MRO: variants seen among roughly 807,000 people sequenced by gnomAD.
MRO encodes protein maestro.
Under a neutral mutation model 31.0 loss-of-function variants are expected in MRO, and 28 were observed. The ratio of observed to expected loss-of-function variants is 0.90; its 90% confidence interval spans 0.67 to 1.24. The LOEUF (loss-of-function observed/expected upper bound fraction) is 1.24, where lower values mean the gene tolerates loss of function less well. Among genes scored for constraint, MRO ranks in the 50% most tolerant of loss-of-function variants. MRO has a pLI of 0.00. For missense variants in MRO, 332 were observed against 289.2 expected (o/e 1.15, Z -1.07); for synonymous variants, 108 against 108.4 (o/e 1.00, Z 0.02).
chr18:50,800,038 G>T lies in MRO; in HGVS notation c.691C>A (p.Leu231Met). 1 of 1,610,214 alleles carries T rather than the reference G, an allele frequency of 6.2e-7. No homozygotes were observed. Among genetic ancestry groups the T allele is most frequent in the Non-Finnish European group, 8.5e-7 (1 of 1,176,760 alleles). The part of the protein sequence containing the change: ...DQRNTKLYQQ[L>M]SHYHPEILQF... ...CTCTCCTACCCTGGCTCACTCACCA[G>T]CTGCTGGTAGAGCTTAGTGTTCCTT... is the stretch of plus-strand genomic sequence containing the variant. The change falls in exon 7 of 8, where the codon CTG (leucine) becomes ATG (methionine). Residue 231 changes from leucine to methionine, a missense_variant and splice_region_variant. Transcript: ENST00000398439.
chr18:50,804,885 A>G, intron 5 of MRO, among the ~76,000 whole-genome samples: 1 of 151,780 alleles, frequency 6.6e-6, no homozygotes, highest in East Asian at 1.9e-4. Flanking sequence ...TCCACCTCCC[A>G]AGTTCAAGCG....
intron 5 of MRO, among the ~76,000 whole-genome samples, chr18:50,802,679 T>G (rs187165822): frequency 6.6e-6 from 1 of 152,102 alleles, no homozygotes; most frequent in Non-Finnish European, 1.5e-5. Context: ...ATTTAGCACA[T>G]GATGCATACA....
intron 5 of MRO, among the ~76,000 whole-genome samples, chr18:50,803,222 G>A (rs1913571204): frequency 6.6e-6 from 1 of 152,118 alleles, no homozygotes; most frequent in African/African-American, 2.4e-5. Flanking sequence ...TTAAAAAAAT[G>A]GTTGAAGGCC....
At chr18:50,806,555 G>T in intron 4 of MRO, 149 bp downstream of exon 4, 1 of 939,404 alleles carries the variant, frequency 1.1e-6, no homozygotes, top group Non-Finnish European at 1.6e-6. Flanking sequence ...ATCAACACGT[G>T]TTGCTGTAAG....
chr18:50,803,712 A>C (rs1338427931), intron 5 of MRO, among the ~76,000 whole-genome samples: 2 of 152,212 alleles, frequency 1.3e-5, no homozygotes, highest in Non-Finnish European at 2.9e-5. Flanking sequence ...GGTGAGACAC[A>C]TGTGCCCAGC....
Position 50,801,331 on chromosome 18 carries a change from G to C in MRO, c.585+18C>G, listed in dbSNP as rs765839366. The C allele has an allele frequency of 5.8e-6, 9 of 1,542,090 alleles. No homozygotes were observed. In the South Asian group the frequency reaches 9.9e-5, roughly 17 times the overall value. On this transcript the variant is annotated intron_variant, in intron 6 of 7. Coordinates refer to ENST00000398439, the MANE Select transcript of MRO (RefSeq NM_031939.6). The stretch of plus-strand genomic sequence containing the variant: ...GCATGGAGATGTCACTCTGTTGGTT[G>C]CAGAGTCAAGGTCTTACCTTGGCAA...
rs778513332 is a variant in MRO, at chr18:50,805,271, C to T, written c.312G>A (p.Leu104=). ...LVYGLYDPVN[L]EVIHESMKTL... ...TCTTCATACTCTCATGGATGACTTC[C>T]AAATTCACAGGGTCATACAGTCCAT... Residue 104 remains leucine (L), a synonymous_variant, in exon 5 of 8, where the codon TTG becomes TTA. Coordinates refer to ENST00000398439, the MANE Select transcript of MRO (RefSeq NM_031939.6). 5 of 1,613,976 alleles carry T rather than the reference C, an allele frequency of 3.1e-6. No homozygotes were observed. Among genetic ancestry groups the T allele is most frequent in the Middle Eastern group, 3.3e-4 (2 of 6,084 alleles).
At chr18:50,816,360 C>T (rs568045949) in intron 2 of MRO, among the ~76,000 whole-genome samples, 108 of 152,286 alleles carry the variant, frequency 7.1e-4, no homozygotes, top group African/African-American at 2.4e-3. Flanking sequence ...CTTTTCATTA[C>T]ATCAGGTATA....
chr18:50,818,882 G>A (rs909808791), intron 2 of MRO, among the ~76,000 whole-genome samples: 3 of 151,862 alleles, frequency 2.0e-5, no homozygotes, highest in South Asian at 4.2e-4. Context: ...GTGAAACCCC[G>A]CCTCTACTAA....
At chr18:50,816,994 C>A (rs1051743025) in intron 2 of MRO, among the ~76,000 whole-genome samples, 1 of 152,190 alleles carries the variant, frequency 6.6e-6, no homozygotes, top group African/African-American at 2.4e-5. Context: ...AGGGCTTTAG[C>A]CAGCCAAGGC....
At position 50,806,552 on chromosome 18, in the gene MRO, C is replaced by T. The variant is rs542527015; in HGVS notation, c.246+152G>A. The T allele has an allele frequency of 1.1e-4, 104 of 910,326 alleles. No individual in the cohort carries two copies. The East Asian group carries it at 1.9e-3, about 16-fold the overall frequency. The allele number at this position is 910,326 out of a possible 1,614,324, so 56.4% of individuals were successfully genotyped here. On this transcript the variant is annotated intron_variant, in intron 4 of 7. Transcript: ENST00000398439. ...CCGCGAAAACCCGAGATAATCAACA[C>T]GTGTTGCTGTAAGCTGCTAAGTGTG...
At position 50,809,144 on chromosome 18, in the gene MRO, CAAAAAAAAAAAAA is replaced by C. The variant is rs61728184; in HGVS notation, c.99+145_99+157del. The stretch of plus-strand genomic sequence containing the variant: ...TGGGCGACAGAGCGAGACTCCGTCT[CAAAAAAAAAAAAA>C]AAAAAAAAAAAAAAAACTGTCATCA... On this transcript the variant is annotated intron_variant, in intron 3 of 7. Transcript: ENST00000398439. 2.9e-3 allele frequency among the ~76,000 whole-genome samples: 288 copies of C among 99,086 alleles called. 8 individuals carry two copies. In the South Asian group the frequency reaches 0.049, roughly 17 times the overall value. 65.0% of individuals were successfully genotyped at this position (99,086 alleles called of 152,430 possible).
At chr18:50,805,932 G>A (rs1348156581) in intron 4 of MRO, among the ~76,000 whole-genome samples, 3 of 151,802 alleles carry the variant, frequency 2.0e-5, no homozygotes, top group East Asian at 1.9e-4. Context: ...TCCAGCCTAC[G>A]GACATGACTT....
chr18:50,813,556 A>G (rs1254604896), intron 2 of MRO, among the ~76,000 whole-genome samples: 2 of 152,224 alleles, frequency 1.3e-5, no homozygotes, highest in Non-Finnish European at 2.9e-5. Context: ...ATTTCTAACA[A>G]GCTCCCAGGG....
In MRO at chr18:50,819,856, C is replaced by T. The variant is rs146595650; in HGVS notation, c.-127+41G>A. ...GGAGGGAATTGTTCTGGAATGAAAC[C>T]GACAAGAATATTGTAGGGTGGCACA... On this transcript the variant is annotated intron_variant, in intron 1 of 7. Coordinates refer to ENST00000398439, the MANE Select transcript of MRO (RefSeq NM_031939.6). 7.9e-3 allele frequency: 12,168 copies of T among 1,545,550 alleles called. 58 individuals carry two copies. Among genetic ancestry groups the T allele is most frequent in the Non-Finnish European group, 9.4e-3 (10,731 of 1,141,454 alleles).
intron 2 of MRO, among the ~76,000 whole-genome samples, chr18:50,817,992 C>CCA: frequency 1.6e-5 from 2 of 121,342 alleles, no homozygotes; most frequent in Non-Finnish European, 3.4e-5. Context: ...TAAAGAACTC[C>CCA]CACCCCCCGC....
intron 2 of MRO, among the ~76,000 whole-genome samples, chr18:50,809,617 G>A (rs1236078729): frequency 2.0e-5 from 3 of 152,072 alleles, no homozygotes; most frequent in Admixed American, 1.3e-4. Context: ...GGGGGTCAAG[G>A]GGGATCTGCC....
At chr18:50,801,623 C>T in intron 5 of MRO, 119 bp from the exon 6 acceptor site, 2 of 972,652 alleles carry the variant, frequency 2.1e-6, no homozygotes, top group Non-Finnish European at 3.0e-6. Context: ...GAACACATCA[C>T]AGCCATCGAT....
intron 2 of MRO, among the ~76,000 whole-genome samples, chr18:50,817,056 A>G (rs1428930366): frequency 6.6e-6 from 1 of 152,200 alleles, no homozygotes; most frequent in Non-Finnish European, 1.5e-5. Context: ...TCATAGGCGT[A>G]AGTAGAACTC....
Sources: allele counts gnomAD v4.1 joint callset (sites outside exome capture counted in the v4.1 genomes callset), GRCh38; gene constraint gnomAD v4.1.1; transcripts MANE v1.5; gene names NCBI Gene and HGNC (gene_info 2026-07-23, HGNC 2026-07-21).